Variants in PMM2 observed in about 807,000 individuals in gnomAD.
PMM2 encodes phosphomannomutase 2.
PMM2 carries 35 observed loss-of-function variants against 33.2 expected under a neutral mutation model. The observed-to-expected ratio is 1.06, with a 90% CI of 0.81 to 1.40. The LOEUF is 1.40. PMM2 is among the 40% of genes most tolerant of loss of function. The pLI, the probability that PMM2 is intolerant of heterozygous loss-of-function variation, is 0.00. For synonymous variants in PMM2, 153 were observed against 114.7 expected (o/e 1.33, Z -2.13); for missense variants, 386 against 306.0 (o/e 1.26, Z -1.95).
intron 7 of PMM2, among the ~76,000 whole-genome samples, chr16:8,828,411 C>A (rs1350297976): frequency 6.6e-6 from 1 of 152,144 alleles, no homozygotes; most frequent in African/African-American, 2.4e-5. Flanking sequence ...CAGGCTACCA[C>A]TGTGAAATAG....
At chr16:8,811,744 T>C (rs2060679166) in intron 6 of PMM2, 31 bp downstream of exon 6, 2 of 1,433,124 alleles carry the variant, frequency 1.4e-6, no homozygotes, top group South Asian at 1.1e-5. Flanking sequence ...GTTCCAAACT[T>C]GGATACCCAT....
chr16:8,807,260 G>C (rs1002210235), intron 4 of PMM2, among the ~76,000 whole-genome samples: 3 of 151,488 alleles, frequency 2.0e-5, no homozygotes, highest in African/African-American at 7.3e-5. Context: ...ACCCACCTTG[G>C]CCTCCCAAAT....
At chr16:8,836,943 G>A (rs2060852415) in intron 7 of PMM2, among the ~76,000 whole-genome samples, 1 of 152,030 alleles carries the variant, frequency 6.6e-6, no homozygotes, top group Non-Finnish European at 1.5e-5. Context: ...AGGTGGGGGA[G>A]GGCCAGTCAC....
chr16:8,837,171 G>C (rs914111861), intron 7 of PMM2, among the ~76,000 whole-genome samples: 5 of 151,894 alleles, frequency 3.3e-5, no homozygotes, highest in African/African-American at 1.2e-4. Context: ...GATTTGGGAC[G>C]AGTTGCACTG....
intron 6 of PMM2, 103 bp from the exon 7 acceptor site, chr16:8,812,888 G>T: frequency 1.3e-6 from 1 of 769,400 alleles, no homozygotes; most frequent in African/African-American, 1.7e-5. Flanking sequence ...AATCAACCTT[G>T]GCAACCCACT....
intron 7 of PMM2, among the ~76,000 whole-genome samples, chr16:8,846,957 G>A (rs1242483671): frequency 6.6e-6 from 1 of 152,058 alleles, no homozygotes; most frequent in Middle Eastern, 3.2e-3. Context: ...TCCACCTCCC[G>A]AGTTCAAGCA....
intron 7 of PMM2, among the ~76,000 whole-genome samples, chr16:8,837,050 T>G (rs1415013831): frequency 1.3e-5 from 2 of 151,988 alleles, no homozygotes; most frequent in Non-Finnish European, 1.5e-5. Flanking sequence ...GGAACCTAGC[T>G]CAGCCTGGCG....
At chr16:8,809,593 C>G (rs769447071) in intron 4 of PMM2, 1 of 152,134 alleles carries the variant, frequency 6.6e-6, no homozygotes, top group South Asian at 2.1e-4. Flanking sequence ...GCTGGGACTA[C>G]AGGCATGCGC....
At chr16:8,840,010 G>GT in intron 7 of PMM2, among the ~76,000 whole-genome samples, 1 of 151,934 alleles carries the variant, frequency 6.6e-6, no homozygotes, top group Admixed American at 6.6e-5. Flanking sequence ...GGTGAGGGCT[G>GT]TTACAGGAAG....
intron 7 of PMM2, among the ~76,000 whole-genome samples, chr16:8,836,288 T>C (rs1287209503): frequency 6.6e-6 from 1 of 152,006 alleles, no homozygotes; most frequent in Non-Finnish European, 1.5e-5. Context: ...AGTCTTCAGC[T>C]GCTAAGCCGA....
intron 6 of PMM2, among the ~76,000 whole-genome samples, chr16:8,812,384 GCCT>G (rs2060682817): frequency 6.6e-6 from 1 of 152,206 alleles, no homozygotes; most frequent in African/African-American, 2.4e-5. Flanking sequence ...ATTGCTCAAA[GCCT>G]CCTCATTTTA....
At chr16:8,811,408 T>C (rs373940618) in intron 5 of PMM2, among the ~76,000 whole-genome samples, 44 of 152,330 alleles carry the variant, frequency 2.9e-4, no homozygotes, top group African/African-American at 9.9e-4. Context: ...TGGTCCCGGC[T>C]ATTTGTTTGG....
chr16:8,829,964 G>A (rs1211191502), intron 7 of PMM2, among the ~76,000 whole-genome samples: 1 of 152,218 alleles, frequency 6.6e-6, no homozygotes, highest in Non-Finnish European at 1.5e-5. Context: ...GCTACAAACA[G>A]ATACCACCTA....
At chr16:8,825,600 G>C (rs1053611664) in intron 7 of PMM2, among the ~76,000 whole-genome samples, 4 of 152,072 alleles carry the variant, frequency 2.6e-5, no homozygotes, top group Non-Finnish European at 4.4e-5. Flanking sequence ...GATTACAGTT[G>C]TGAGCCACCA....
intron 7 of PMM2, chr16:8,832,997 C>T (rs950486611): frequency 1.9e-5 from 10 of 536,112 alleles, no homozygotes; most frequent in South Asian, 7.6e-5. Context: ...TTTTGGTTTG[C>T]GCCGTATCCC....
intron 7 of PMM2, among the ~76,000 whole-genome samples, chr16:8,823,471 C>G (rs2060749520): frequency 6.6e-6 from 1 of 152,148 alleles, no homozygotes; most frequent in Non-Finnish European, 1.5e-5. Flanking sequence ...CTCTCCCATC[C>G]TTATTTTTAT....
At position 8,847,887 on chromosome 16, in the gene PMM2, A is replaced by G. The variant is rs2060938687; in HGVS notation, c.*62A>G. 1 of 1,301,630 alleles carries G rather than the reference A, an allele frequency of 7.7e-7. No homozygotes were observed. The highest frequency in any genetic ancestry group is 1.4e-5 in the African/African-American group (1 of 69,006). The allele number at this position is 1,301,630 out of a possible 1,614,324, so 80.6% of individuals were successfully genotyped here. A position where few individuals can be genotyped will look rare whatever the true frequency, so the allele number is the denominator to read the frequency against. On this transcript the variant is annotated 3_prime_UTR_variant, in exon 8 of 8. Transcript: ENST00000268261. ...CCAGCATAGGGCATTCGGTGGCCAG[A>G]GCCGAGGGTCCTCCCACACGTGCTC... is the stretch of plus-strand genomic sequence containing the variant.
intron 7 of PMM2, chr16:8,832,405 A>C: frequency 1.0e-5 from 10 of 985,420 alleles, no homozygotes; most frequent in Non-Finnish European, 1.2e-5. Context: ...ATTAAGTGTC[A>C]GCGAGTTACA....
chr16:8,802,666 T>A (rs1271201326), intron 2 of PMM2, among the ~76,000 whole-genome samples: 2 of 151,734 alleles, frequency 1.3e-5, no homozygotes, highest in Admixed American at 6.6e-5. Flanking sequence ...CCATTTCTAC[T>A]AAAACTACAA....
Sources: allele counts gnomAD v4.1 joint callset (sites outside exome capture counted in the v4.1 genomes callset), GRCh38; gene constraint gnomAD v4.1.1; transcripts MANE v1.5; gene names NCBI Gene and HGNC (gene_info 2026-07-23, HGNC 2026-07-21).